CSTPP1: variants seen among roughly 807,000 people sequenced by gnomAD.
The protein encoded by CSTPP1 is UPF0705 protein C11orf49.
the CSTPP1 span, among the ~76,000 whole-genome samples, chr11:47,139,059 C>T: frequency 1.4e-5 from 2 of 141,326 alleles, no homozygotes; most frequent in African/African-American, 2.6e-5. Flanking sequence ...TCATGTTTAT[C>T]GAAGAATGCC....
At chr11:47,044,300 T>G in the CSTPP1 span, among the ~76,000 whole-genome samples, 1 of 152,144 alleles carries the variant, frequency 6.6e-6, no homozygotes, top group Non-Finnish European at 1.5e-5. Flanking sequence ...TTATTTTTAT[T>G]TATCTTACTC....
At chr11:47,016,921 CAGG>C in the CSTPP1 span, among the ~76,000 whole-genome samples, 1 of 141,100 alleles carries the variant, frequency 7.1e-6, no homozygotes, top group Non-Finnish European at 1.5e-5. Flanking sequence ...CGGCTCACTG[CAGG>C]CTCCGCCTCC....
the CSTPP1 span, among the ~76,000 whole-genome samples, chr11:47,038,540 C>T: frequency 4.8e-5 from 5 of 104,132 alleles, no homozygotes; most frequent in African/African-American, 1.4e-4. Context: ...CGGGCAGAGG[C>T]GCCCCTCACC....
the CSTPP1 span, among the ~76,000 whole-genome samples, chr11:47,136,408 A>G: frequency 6.6e-6 from 1 of 152,088 alleles, no homozygotes; most frequent in Non-Finnish European, 1.5e-5. Flanking sequence ...CCACAAAACC[A>G]TCTTGATCCT....
the CSTPP1 span, among the ~76,000 whole-genome samples, chr11:47,060,453 G>C: frequency 2.0e-5 from 3 of 151,378 alleles, no homozygotes; most frequent in Non-Finnish European, 4.4e-5. Flanking sequence ...GCCTAGGCTG[G>C]TCTCAAACTC....
the CSTPP1 span, among the ~76,000 whole-genome samples, chr11:46,978,215 A>G: frequency 6.6e-6 from 1 of 152,260 alleles, no homozygotes; most frequent in African/African-American, 2.4e-5. Context: ...AGAAGATAAC[A>G]TACGCATAAC....
the CSTPP1 span, among the ~76,000 whole-genome samples, chr11:47,143,800 C>T: frequency 6.6e-6 from 1 of 152,304 alleles, no homozygotes; most frequent in African/African-American, 2.4e-5. Flanking sequence ...ACTAGCTGTG[C>T]CCTTGAGAAA....
chr11:46,961,803 T>TA, the CSTPP1 span, among the ~76,000 whole-genome samples: 1 of 151,940 alleles, frequency 6.6e-6, no homozygotes, highest in African/African-American at 2.4e-5. Context: ...CAGCACCATT[T>TA]AAAAAAAAGA....
chr11:47,093,496 T>C, the CSTPP1 span, among the ~76,000 whole-genome samples: 4 of 152,234 alleles, frequency 2.6e-5, no homozygotes, highest in Non-Finnish European at 5.9e-5. Flanking sequence ...CCACAAAGTC[T>C]TCGGCCACAT....
At chr11:47,003,993 C>T in the CSTPP1 span, among the ~76,000 whole-genome samples, 1 of 152,024 alleles carries the variant, frequency 6.6e-6, no homozygotes, top group Non-Finnish European at 1.5e-5. Flanking sequence ...TATAATTCAT[C>T]TTCATTGTGT....
At chr11:47,125,394 C>CA in the CSTPP1 span, among the ~76,000 whole-genome samples, 80 of 152,282 alleles carry the variant, frequency 5.3e-4, no homozygotes, top group Non-Finnish European at 4.0e-4. Context: ...GCACACCCAT[C>CA]AAGAACTGGA....
chr11:47,155,070 T>C, the CSTPP1 span: 1 of 937,848 alleles, frequency 1.1e-6, no homozygotes, highest in Non-Finnish European at 1.7e-6. Context: ...AACAGCTCTC[T>C]CTCTCCCTCT....
chr11:46,987,282 T>A, the CSTPP1 span: 5 of 1,614,130 alleles, frequency 3.1e-6, no homozygotes, highest in South Asian at 5.5e-5. Flanking sequence ...TATTAGCCAA[T>A]ATGGAATTGC....
the CSTPP1 span, among the ~76,000 whole-genome samples, chr11:46,997,459 A>G: frequency 6.6e-6 from 1 of 152,272 alleles, no homozygotes; most frequent in Admixed American, 6.5e-5. Context: ...CATTCGTCTA[A>G]TCATTTTTCA....
At chr11:47,122,091 AATAT>A in the CSTPP1 span, among the ~76,000 whole-genome samples, 251 of 31,786 alleles carry the variant, frequency 7.9e-3, 5 homozygotes, top group African/African-American at 0.019. Flanking sequence ...AAAAAAAAAA[AATAT>A]ATATATATAT....
At chr11:47,157,804 CCTT>C in the CSTPP1 span, 1 of 1,612,374 alleles carries the variant, frequency 6.2e-7, no homozygotes. Flanking sequence ...TGGCATCTCT[CCTT>C]CTTAGCTGCC....
At chr11:46,939,558 C>T in the CSTPP1 span, among the ~76,000 whole-genome samples, 2 of 151,630 alleles carry the variant, frequency 1.3e-5, no homozygotes, top group Admixed American at 1.3e-4. Flanking sequence ...GGGAGGCTGA[C>T]GTAGGAGGAT....
chr11:47,027,115 C>G, the CSTPP1 span, among the ~76,000 whole-genome samples: 1 of 152,086 alleles, frequency 6.6e-6, no homozygotes, highest in African/African-American at 2.4e-5. Flanking sequence ...TCCTGTATTT[C>G]CCTGTTTCTA....
chr11:47,070,578 G>A, the CSTPP1 span, among the ~76,000 whole-genome samples: 4 of 152,190 alleles, frequency 2.6e-5, no homozygotes, highest in Non-Finnish European at 4.4e-5. Flanking sequence ...TTTCAACCCT[G>A]CTTGCATATT....
Sources: gnomAD v4.1 joint callset for allele counts (sites outside exome capture counted in the v4.1 genomes callset) on GRCh38, gnomAD v4.1.1 for gene constraint, MANE v1.5 for transcripts, NCBI Gene and HGNC (gene_info 2026-07-23, HGNC 2026-07-21) for gene names.